Variants in KLF7 observed in about 807,000 individuals in gnomAD.
KLF7 encodes Krueppel-like factor 7.
KLF7 carries 2 observed loss-of-function variants against 27.3 expected under a neutral mutation model. That is an observed-to-expected ratio of 0.07 (90% CI 0.03 to 0.23). The LOEUF is 0.23. Ranked by LOEUF, KLF7 falls within the 10% of genes least tolerant of loss-of-function variation. The pLI is 1.00. For synonymous variants in KLF7, 165 were observed against 162.4 expected (o/e 1.02, Z -0.12); for missense variants, 221 against 394.1 (o/e 0.56, Z 3.72).
intron 2 of KLF7, among the ~76,000 whole-genome samples, chr2:207,105,091 C>T (rs1172303007): frequency 6.6e-6 from 1 of 152,154 alleles, no homozygotes; most frequent in Non-Finnish European, 1.5e-5. Flanking sequence ...ACTTTACCAG[C>T]ATTTTCATTT....
At position 207,155,075 on chromosome 2, in the gene KLF7, T is replaced by G. The variant is rs1258909409; in HGVS notation, c.102+10392A>C. The stretch of plus-strand genomic sequence containing the variant: ...AAGAGTGCTGGGCCCTGCTGAGGCT[T>G]GGATCCCAGCTCAAATACTTCCAAG... On this transcript the variant is annotated intron_variant, in intron 1 of 3. Coordinates refer to ENST00000309446, the MANE Select transcript of KLF7 (RefSeq NM_003709.4). 2.6e-5 allele frequency among the ~76,000 whole-genome samples: 4 copies of G among 152,334 alleles called. No homozygotes were observed. In the South Asian group the frequency reaches 6.2e-4, roughly 24 times the overall value.
intron 2 of KLF7, among the ~76,000 whole-genome samples, chr2:207,111,300 A>C (rs2077030617): frequency 6.6e-6 from 1 of 152,104 alleles, no homozygotes; most frequent in East Asian, 1.9e-4. Flanking sequence ...GAAGTTCTTA[A>C]AAGTTCAGGG....
chr2:207,121,609 C>T (rs1406918562), intron 2 of KLF7: 1 of 152,202 alleles, frequency 6.6e-6, no homozygotes, highest in Non-Finnish European at 1.5e-5. Flanking sequence ...CTCTGCGATA[C>T]TGCTTTTCTA....
At chr2:207,172,925 T>G in the KLF7 span, among the ~76,000 whole-genome samples, 1 of 152,208 alleles carries the variant, frequency 6.6e-6, no homozygotes, top group Admixed American at 6.5e-5. Context: ...AGAAGATTGT[T>G]AAGAAGGGAT....
At chr2:207,130,491 C>T (rs930306250) in intron 1 of KLF7, among the ~76,000 whole-genome samples, 3 of 152,208 alleles carry the variant, frequency 2.0e-5, no homozygotes, top group African/African-American at 7.2e-5. Context: ...TAGAGCTAAA[C>T]CTGTACCTCT....
In KLF7 at chr2:207,124,348, G is replaced by C; in HGVS notation, c.159C>G (p.Thr53=). 1 of 1,600,158 alleles carries C rather than the reference G, an allele frequency of 6.2e-7. No individual in the cohort carries two copies. The highest frequency in any genetic ancestry group is 1.3e-5 in the African/African-American group (1 of 74,756). Residue 53 remains threonine (T), a synonymous_variant, in exon 2 of 4, where the codon ACC becomes ACG. Transcript: ENST00000309446. ...GGAAACAGTCCAAGTCCTCACCAAA[G>C]GTCTCTGAGATCCTCCGGGGCTCCG... is the stretch of plus-strand genomic sequence containing the variant. ...LQTEPRRISE[T]FGEDLDCFLH...
chr2:207,121,339 T>A (rs2269078), intron 2 of KLF7, among the ~76,000 whole-genome samples: 39,273 of 152,210 alleles, frequency 0.26, 5,744 homozygotes, highest in East Asian at 0.51. Context: ...CAGTCATCAC[T>A]AATATCAACA....
intron 1 of KLF7, among the ~76,000 whole-genome samples, chr2:207,151,006 A>AAAG (rs1263527243): frequency 6.7e-6 from 1 of 149,950 alleles, no homozygotes; most frequent in Non-Finnish European, 1.5e-5. Context: ...TTAAAAAAAA[A>AAAG]AAAAAAAAAA....
At chr2:207,144,285 G>A (rs1457713758) in intron 1 of KLF7, among the ~76,000 whole-genome samples, 1 of 152,100 alleles carries the variant, frequency 6.6e-6, no homozygotes, top group East Asian at 1.9e-4. Flanking sequence ...ACTAACCTAA[G>A]GCAGAAGTTT....
At chr2:207,144,168 GAAAA>G (rs1176457671) in intron 1 of KLF7, among the ~76,000 whole-genome samples, 6 of 64,612 alleles carry the variant, frequency 9.3e-5, no homozygotes, top group African/African-American at 2.8e-4. Flanking sequence ...GCGGGGGGGA[GAAAA>G]AAAAAAAAAA....
intron 2 of KLF7, among the ~76,000 whole-genome samples, chr2:207,108,446 A>C (rs905993099): frequency 2.0e-5 from 3 of 152,244 alleles, no homozygotes; most frequent in African/African-American, 7.2e-5. Flanking sequence ...TCACACACAA[A>C]AATATCTACA....
rs2076224674 is a variant in KLF7 at position 207,079,065 on chromosome 2, G to GC, written c.*2147_*2148insG. On this transcript the variant is annotated 3_prime_UTR_variant, in exon 4 of 4. Coordinates refer to ENST00000309446, the MANE Select transcript of KLF7 (RefSeq NM_003709.4). ...TTTTTTTTTCGTTTTGTATTATTTT[G>GC]TTTTTTTTTTTGTTTTTGTTTTTGT... 7.0e-6 allele frequency: 1 copy of GC among 143,316 alleles called. No individual in the cohort carries two copies. The highest frequency in any genetic ancestry group is 2.0e-4 in the East Asian group (1 of 4,968). The allele number at this position is 143,316 out of a possible 1,614,324, so 8.9% of individuals were successfully genotyped here. A position where few individuals can be genotyped will look rare whatever the true frequency, so the allele number is the denominator to read the frequency against.
chr2:207,123,963 C>T lies in KLF7; in HGVS notation c.544G>A (p.Ala182Thr), dbSNP rs769414937. The T allele has an allele frequency of 1.6e-5, 26 of 1,614,054 alleles. No homozygotes were observed. Among genetic ancestry groups the T allele is most frequent in the South Asian group, 6.6e-5 (6 of 91,080 alleles). ...ALSSVKVGGV[A>T]TAAAAVTAAG... The stretch of plus-strand genomic sequence containing the variant: ...GCCGTCACGGCTGCTGCAGCTGTTG[C>T]GACCCCTCCCACCTTTACGGAGCTG... The change falls in exon 2 of 4, where the codon GCA (alanine) becomes ACA (threonine). Residue 182 changes from alanine to threonine, a missense_variant. By Grantham distance (58) the Ala-to-Thr change is moderately conservative. This residue lies in a region of KLF7 where 180 missense variants were observed against 227.9 expected (regional missense o/e 0.79). Coordinates refer to ENST00000309446, the MANE Select transcript of KLF7 (RefSeq NM_003709.4).
rs551067721 is a variant in KLF7, at chr2:207,076,710, G to A, written c.*4503C>T. ...AGTAGGCCATCAAAGAGACATTGAT[G>A]TATACTCAGGATAGGCCCTCTAGTT... is the stretch of plus-strand genomic sequence containing the variant. On this transcript the variant is annotated 3_prime_UTR_variant, in exon 4 of 4. Coordinates refer to ENST00000309446, the MANE Select transcript of KLF7 (RefSeq NM_003709.4). 1 of 152,278 alleles carries A rather than the reference G, an allele frequency of 6.6e-6. No individual in the cohort carries two copies. The highest frequency in any genetic ancestry group is 1.9e-4 in the East Asian group (1 of 5,178). The allele number at this position is 152,278 out of a possible 1,614,324, so 9.4% of individuals were successfully genotyped here. A position where few individuals can be genotyped will look rare whatever the true frequency, so the allele number is the denominator to read the frequency against.
chr2:207,163,851 G>A (rs993155125), intron 1 of KLF7, among the ~76,000 whole-genome samples: 1 of 152,188 alleles, frequency 6.6e-6, no homozygotes, highest in African/African-American at 2.4e-5. Flanking sequence ...GGTTTAATTA[G>A]CATTGGAAAT....
intron 2 of KLF7, among the ~76,000 whole-genome samples, chr2:207,105,847 T>C (rs561589859): frequency 6.6e-6 from 1 of 152,310 alleles, no homozygotes; most frequent in Non-Finnish European, 1.5e-5. Context: ...TCCTAGACCC[T>C]AGCACAGGTG....
At chr2:207,147,496 T>A (rs1356829459) in intron 1 of KLF7, among the ~76,000 whole-genome samples, 3 of 152,208 alleles carry the variant, frequency 2.0e-5, no homozygotes, top group Admixed American at 1.3e-4. Flanking sequence ...ATAGACACTT[T>A]TATTCCTTCT....
intron 2 of KLF7, among the ~76,000 whole-genome samples, chr2:207,104,850 A>C (rs556966110): frequency 1.3e-5 from 2 of 152,364 alleles, no homozygotes; most frequent in Admixed American, 6.5e-5. Flanking sequence ...AACTGGAAAG[A>C]ATGTCAGAAC....
At chr2:207,165,322 A>C in intron 1 of KLF7, 145 bp downstream of exon 1, 3 of 1,222,166 alleles carry the variant, frequency 2.5e-6, no homozygotes, top group Non-Finnish European at 1.1e-6. Context: ...CTGTTTCAGA[A>C]AACATTTTCA....
Sources: allele counts gnomAD v4.1 joint callset (sites outside exome capture counted in the v4.1 genomes callset), GRCh38; gene constraint gnomAD v4.1.1; regional missense constraint gnomAD v4.1.1; transcripts MANE v1.5; gene names NCBI Gene and HGNC (gene_info 2026-07-23, HGNC 2026-07-21).